GPT2: variants seen among roughly 807,000 people sequenced by gnomAD.
GPT2 encodes the protein glutamic--pyruvic transaminase 2.
Under a neutral mutation model 56.9 loss-of-function variants are expected in GPT2, and 30 were observed. The ratio of observed to expected loss-of-function variants is 0.53; its 90% CI spans 0.39 to 0.72. The LOEUF (loss-of-function observed/expected upper bound fraction) is 0.72, where lower values mean the gene tolerates loss of function less well. Among genes scored for constraint, GPT2 ranks in the 30% least tolerant of loss-of-function variants. The pLI, the probability that GPT2 is intolerant of heterozygous loss-of-function variation, is 0.00. For synonymous variants in GPT2, 271 were observed against 283.1 expected (o/e 0.96, Z 0.43); for missense variants, 542 against 703.4 (o/e 0.77, Z 2.60).
At chr16:46,918,525 T>C (rs1159178858) in intron 7 of GPT2, 96 bp from the exon 8 acceptor site, 1 of 1,403,524 alleles carries the variant, frequency 7.1e-7, no homozygotes, top group Non-Finnish European at 9.8e-7. Context: ...CTGGGCCTCA[T>C]GGCCCACAGC....
Position 46,895,663 on chromosome 16 carries a change from T to G in GPT2, c.244-1985T>G, listed in dbSNP as rs1437986669. On this transcript the variant is annotated intron_variant, in intron 2 of 11. Transcript: ENST00000340124. ...CTTCAGCCTCCCCAGTAGCTGGGGCTATAGGCATGTGCCACCATGCCTGGC... is the reference window on the plus strand; with the variant it reads ...CTTCAGCCTCCCCAGTAGCTGGGGCGATAGGCATGTGCCACCATGCCTGGC... 2.0e-5 allele frequency among the ~76,000 whole-genome samples: 3 copies of G among 152,200 alleles called. 1 individual carries two copies. Among genetic ancestry groups the G allele is most frequent in the Admixed American group, 2.0e-4 (3 of 15,280 alleles).
rs866566120 is a variant in GPT2, at chr16:46,896,258, G to C, written c.244-1390G>C. On this transcript the variant is annotated intron_variant, in intron 2 of 11. Coordinates refer to ENST00000340124, the MANE Select transcript of GPT2 (RefSeq NM_133443.4). The stretch of plus-strand genomic sequence containing the variant: ...TCAGGGAAATGTGCAGGATTCCCAC[G>C]TTTCCAGGTCCCTGTAATTCTCTAT... 2.0e-5 allele frequency among the ~76,000 whole-genome samples: 3 copies of C among 152,150 alleles called. No homozygotes were observed. In the East Asian group the frequency reaches 5.8e-4, roughly 29 times the overall value.
chr16:46,897,967 G>T (rs1960716940), intron 3 of GPT2, among the ~76,000 whole-genome samples: 1 of 152,184 alleles, frequency 6.6e-6, no homozygotes, highest in South Asian at 2.1e-4. Flanking sequence ...CCACAAGGCG[G>T]GGTCCTGGGA....
At chr16:46,901,449 G>T (rs1426405076) in intron 4 of GPT2, among the ~76,000 whole-genome samples, 1 of 152,188 alleles carries the variant, frequency 6.6e-6, no homozygotes, top group Non-Finnish European at 1.5e-5. Flanking sequence ...CTCCCCTGCG[G>T]TGATGGAGTT....
At chr16:46,915,999 C>CA (rs1306812766) in intron 6 of GPT2, 1 of 152,488 alleles carries the variant, frequency 6.6e-6, no homozygotes, top group Non-Finnish European at 1.5e-5. Context: ...TGCGTGCACA[C>CA]ACCCCACCAC....
intron 4 of GPT2, among the ~76,000 whole-genome samples, chr16:46,905,483 A>C (rs1275534772): frequency 3.0e-4 from 46 of 152,244 alleles, no homozygotes; most frequent in Admixed American, 3.0e-3. Flanking sequence ...TAACCACAGA[A>C]GGAATAGTCT....
chr16:46,910,059 A>C (rs1961016089), intron 6 of GPT2, 132 bp downstream of exon 6: 2 of 1,281,438 alleles, frequency 1.6e-6, no homozygotes, highest in African/African-American at 3.0e-5. Flanking sequence ...GCTAACCTAA[A>C]GCCATGAAAT....
At chr16:46,913,015 T>C (rs973135390) in intron 6 of GPT2, among the ~76,000 whole-genome samples, 1 of 152,202 alleles carries the variant, frequency 6.6e-6, no homozygotes, top group Non-Finnish European at 1.5e-5. Context: ...CTTTGGGGCC[T>C]GTATCAAAGC....
At chr16:46,924,216 G>C (rs1372169892) in intron 9 of GPT2, 173 bp from the exon 10 acceptor site, 15 of 727,364 alleles carry the variant, frequency 2.1e-5, no homozygotes, top group Middle Eastern at 2.5e-4. Context: ...CATGGGGCAT[G>C]TGACCCAGGC....
At chr16:46,894,185 C>T (rs1960640754) in intron 2 of GPT2, among the ~76,000 whole-genome samples, 2 of 152,214 alleles carry the variant, frequency 1.3e-5, no homozygotes, top group South Asian at 4.1e-4. Flanking sequence ...GCGGCAGCGG[C>T]CCTGCATTGG....
intron 2 of GPT2, among the ~76,000 whole-genome samples, chr16:46,893,266 G>A (rs1163761898): frequency 6.6e-6 from 1 of 152,218 alleles, no homozygotes; most frequent in East Asian, 1.9e-4. Flanking sequence ...AAATAGCTGG[G>A]ACTACAGGCG....
At chr16:46,917,361 TG>T (rs1220395995) in intron 7 of GPT2, among the ~76,000 whole-genome samples, 1 of 152,134 alleles carries the variant, frequency 6.6e-6, no homozygotes, top group Admixed American at 6.6e-5. Context: ...GGGTTCCCAG[TG>T]GCAGAAATGA....
intron 10 of GPT2, among the ~76,000 whole-genome samples, chr16:46,925,723 C>T (rs1961393013): frequency 6.6e-6 from 1 of 152,068 alleles, no homozygotes; most frequent in Admixed American, 6.6e-5. Context: ...CCTTGGGATG[C>T]TGAGGTGGGA....
At chr16:46,924,657 T>C (rs562342230) in intron 10 of GPT2, 113 bp downstream of exon 10, 5 of 1,066,920 alleles carry the variant, frequency 4.7e-6, no homozygotes, top group Non-Finnish European at 6.9e-6. Context: ...GGCTCGGAAC[T>C]GTATGCACCT....
Position 46,929,038 on chromosome 16 carries a change from C to A in GPT2, c.*41C>A. On this transcript the variant is annotated 3_prime_UTR_variant, in exon 12 of 12. Coordinates refer to ENST00000340124, the MANE Select transcript of GPT2 (RefSeq NM_133443.4). ...AGCGGGAGACCTGTCCTTGGCTCTT[C>A]CTCCCAATGCCCGTCAGGCTGAACT... is the stretch of plus-strand genomic sequence containing the variant. The A allele has an allele frequency of 6.7e-7, 1 of 1,489,668 alleles. No homozygotes were observed. Among genetic ancestry groups the A allele is most frequent in the Non-Finnish European group, 9.4e-7 (1 of 1,067,094 alleles). 92.3% of individuals were successfully genotyped at this position (1,489,668 alleles called of 1,614,324 possible). A position where few individuals can be genotyped will look rare whatever the true frequency, so the allele number is the denominator to read the frequency against.
At chr16:46,896,121 G>A (rs1437893975) in intron 2 of GPT2, among the ~76,000 whole-genome samples, 8 of 152,112 alleles carry the variant, frequency 5.3e-5, no homozygotes, top group Non-Finnish European at 1.2e-4. Context: ...GATGATATTT[G>A]TACTCTGCTA....
At position 46,900,913 on chromosome 16, in the gene GPT2, C is replaced by T. The variant is rs1294173596; in HGVS notation, c.442+123C>T. On this transcript the variant is annotated intron_variant, in intron 4 of 11. Transcript: ENST00000340124. The stretch of plus-strand genomic sequence containing the variant: ...GTGAACGTGTGTGGGTGGCTGACAG[C>T]ACACAGAGTAAACAAAAAATAGCGT... The T allele has an allele frequency of 5.0e-5, 35 of 703,240 alleles. No individual in the cohort carries two copies. The East Asian group carries it at 9.7e-4, about 20-fold the overall frequency. 43.6% of individuals were successfully genotyped at this position (703,240 alleles called of 1,614,324 possible).
intron 4 of GPT2, among the ~76,000 whole-genome samples, chr16:46,903,018 G>A (rs942858812): frequency 1.3e-5 from 2 of 152,018 alleles, no homozygotes; most frequent in Admixed American, 1.3e-4. Context: ...GGAGGCCAAG[G>A]CAGGTTGATC....
Position 46,897,680 on chromosome 16 carries a change from A to C in GPT2, c.276A>C (p.Arg92=). ...AAAAGCCATTCACAGAGGTCATCCG[A>C]GCCAACATCGGGGACGCCCAGGCTA... The part of the protein sequence containing the change: ...GIKKPFTEVI[R]ANIGDAQAMG... The change falls in exon 3 of 12, where the codon CGA becomes CGC. Residue 92 remains arginine, a synonymous_variant. Transcript: ENST00000340124. 3.1e-6 allele frequency: 5 copies of C among 1,614,142 alleles called. No homozygotes were observed. The South Asian group carries it at 4.4e-5, about 14-fold the overall frequency.
Sources: allele counts gnomAD v4.1 joint callset (sites outside exome capture counted in the v4.1 genomes callset), GRCh38; gene constraint gnomAD v4.1.1; transcripts MANE v1.5; gene names NCBI Gene and HGNC (gene_info 2026-07-23, HGNC 2026-07-21).